Variants in BICD2 observed in about 807,000 individuals in gnomAD.
BICD2 encodes protein bicaudal D homolog 2.
Under a neutral mutation model 72.9 loss-of-function variants are expected in BICD2, and 25 were observed. That is an observed-to-expected ratio of 0.34 (90% CI 0.25 to 0.48). The LOEUF (loss-of-function observed/expected upper bound fraction) is 0.48. Among genes scored for constraint, BICD2 ranks in the 20% least tolerant of loss-of-function variants. BICD2 has a pLI of 0.99. For synonymous variants in BICD2, 501 were observed against 516.1 expected (o/e 0.97, Z 0.40); for missense variants, 894 against 1,175.2 (o/e 0.76, Z 3.50).
Position 92,719,565 on chromosome 9 carries a change from C to G in BICD2, c.1080G>C (p.Ala360=), listed in dbSNP as rs776734115. The G allele has an allele frequency of 6.2e-7, 1 of 1,604,876 alleles. No homozygotes were observed. The highest frequency in any genetic ancestry group is 8.5e-7 in the Non-Finnish European group (1 of 1,176,988). ...QQLMQMEREK[A]GLLATLQDTQ... ...TGTCCTGCAGCGTTGCCAGCAGGCC[C>G]GCCTTTTCCCGCTCCATCTGCAAAG... The change falls in exon 5 of 7, where the codon GCG becomes GCC. Residue 360 remains alanine (A), a synonymous_variant. Coordinates refer to ENST00000356884, the MANE Select transcript of BICD2 (RefSeq NM_001003800.2).
rs187412615 is a variant in BICD2, at chr9:92,731,260, G to T, written c.241-2024C>A. 1.4e-4 allele frequency among the ~76,000 whole-genome samples: 21 copies of T among 152,302 alleles called. No homozygotes were observed. In the East Asian group the frequency reaches 3.3e-3, roughly 24 times the overall value. ...AGCTGGGGATGCAGACATCACCTCA[G>T]AAGCTTCCTCCAGGTATGACAGCTA... is the stretch of plus-strand genomic sequence containing the variant. On this transcript the variant is annotated intron_variant, in intron 1 of 6. Coordinates refer to ENST00000356884, the MANE Select transcript of BICD2 (RefSeq NM_001003800.2).
At chr9:92,742,619 G>A (rs1463752500) in intron 1 of BICD2, among the ~76,000 whole-genome samples, 2 of 152,076 alleles carry the variant, frequency 1.3e-5, no homozygotes, top group East Asian at 1.9e-4. Context: ...TCCTGACCTC[G>A]TGATCCGCCC....
chr9:92,714,483 C>T lies in BICD2; in HGVS notation c.*671G>A, dbSNP rs924531348. The T allele has an allele frequency of 1.0e-5, 10 of 985,334 alleles. No individual in the cohort carries two copies. Among genetic ancestry groups the T allele is most frequent in the African/African-American group, 1.7e-5 (1 of 57,240 alleles). 61.0% of individuals were successfully genotyped at this position (985,334 alleles called of 1,614,324 possible). On this transcript the variant is annotated 3_prime_UTR_variant, in exon 7 of 7. Coordinates refer to ENST00000356884, the MANE Select transcript of BICD2 (RefSeq NM_001003800.2). ...CATCCTGATCTCAGAAATGAGAAAC[C>T]GAGCTCTGGATTCCTGGGTTATGGT...
chr9:92,720,909 C>G lies in BICD2; in HGVS notation c.607-154G>C, dbSNP rs1029001808. Among the ~76,000 whole-genome samples, 1 of 152,206 alleles carries G rather than the reference C, an allele frequency of 6.6e-6. No homozygotes were observed. Among genetic ancestry groups the G allele is most frequent in the Admixed American group, 6.5e-5 (1 of 15,284 alleles). Reference sequence around the variant, plus strand: ...GGTGCCATCCTGGGAAGGGTGGCAGCCCGTCCAGGCCAAGACTGCTTCCTC... The same window carrying G: ...GGTGCCATCCTGGGAAGGGTGGCAGGCCGTCCAGGCCAAGACTGCTTCCTC... On this transcript the variant is annotated intron_variant, in intron 3 of 6. Transcript: ENST00000356884. The surrounding 1 kb of genome is among the most constrained non-coding windows in gnomAD (Gnocchi z 5.4).
At position 92,711,442 on chromosome 9, in the gene BICD2, G is replaced by A. The variant is rs1269805212; in HGVS notation, c.*3712C>T. ...CAGGCCCACTGTTCCTATGCGCACT[G>A]GCTTTGTAGGCATTCACATCATATG... On this transcript the variant is annotated 3_prime_UTR_variant, in exon 7 of 7. Coordinates refer to ENST00000356884, the MANE Select transcript of BICD2 (RefSeq NM_001003800.2). 1 of 152,502 alleles carries A rather than the reference G, an allele frequency of 6.6e-6. No individual in the cohort carries two copies. The highest frequency in any genetic ancestry group is 1.5e-5 in the Non-Finnish European group (1 of 68,018). 9.4% of individuals were successfully genotyped at this position (152,502 alleles called of 1,614,324 possible). A position where few individuals can be genotyped will look rare whatever the true frequency, so the allele number is the denominator to read the frequency against.
In BICD2 at chr9:92,764,508, C is replaced by T. The variant is rs544784619; in HGVS notation, c.237G>A (p.Lys79=). 3.9e-6 allele frequency: 6 copies of T among 1,530,556 alleles called. No individual in the cohort carries two copies. The African/African-American group carries it at 5.6e-5, about 14-fold the overall frequency. 94.8% of individuals were successfully genotyped at this position (1,530,556 alleles called of 1,614,324 possible). The change falls in exon 1 of 7, where the codon AAG becomes AAA. Residue 79 remains lysine (K), a synonymous_variant. Coordinates refer to ENST00000356884, the MANE Select transcript of BICD2 (RefSeq NM_001003800.2). This position sits in a 1 kb window ranked among gnomAD's most constrained non-coding sequence, Gnocchi z 5.5. ...EAIRSEMEQL[K]EAFGQAHTNH... is the part of the protein sequence containing the mutation. ...AGGGCAGGGCGGCTCGGCTCACCTC[C>T]TTGAGCTGCTCCATCTCGCTGCGGA...
rs557482618 is a variant in BICD2, at chr9:92,733,309, G to A, written c.241-4073C>T. Among the ~76,000 whole-genome samples, 8 of 152,120 alleles carry A rather than the reference G, an allele frequency of 5.3e-5. 1 individual carries two copies. The highest frequency in any genetic ancestry group is 1.9e-4 in the East Asian group (1 of 5,174). ...TCCCAGCACTTTGGAAGGTCGAGGC[G>A]GGCAGATCACGAGGTCAGGAGTTCG... On this transcript the variant is annotated intron_variant, in intron 1 of 6. Transcript: ENST00000356884.
chr9:92,734,796 C>T (rs912547979), intron 1 of BICD2, among the ~76,000 whole-genome samples: 3 of 152,140 alleles, frequency 2.0e-5, no homozygotes, highest in Non-Finnish European at 2.9e-5. Flanking sequence ...ATCCCCTGCC[C>T]ACCCACAGGA....
chr9:92,736,261 G>A (rs1314784860), intron 1 of BICD2, among the ~76,000 whole-genome samples: 2 of 152,200 alleles, frequency 1.3e-5, no homozygotes, highest in Admixed American at 6.5e-5. Flanking sequence ...AGATGGCAAG[G>A]AGAGTGATCT....
At chr9:92,722,546 G>T in intron 3 of BICD2, 110 bp downstream of exon 3, 2 of 1,444,866 alleles carry the variant, frequency 1.4e-6, no homozygotes, top group Non-Finnish European at 9.4e-7. Context: ...GGCCTCGGGT[G>T]TGTGGAATAA....
intron 3 of BICD2, among the ~76,000 whole-genome samples, chr9:92,722,374 G>A (rs1423915953): frequency 6.6e-6 from 1 of 152,234 alleles, no homozygotes; most frequent in African/African-American, 2.4e-5. Context: ...GTTTTCTGGT[G>A]TAACCTCTTC....
At chr9:92,728,629 C>T (rs1015266995) in intron 2 of BICD2, among the ~76,000 whole-genome samples, 2 of 152,232 alleles carry the variant, frequency 1.3e-5, no homozygotes, top group African/African-American at 4.8e-5. Flanking sequence ...ACAGTGCAGG[C>T]CCTGAGTGAC....
chr9:92,743,794 C>T (rs560235968), intron 1 of BICD2, among the ~76,000 whole-genome samples: 105 of 152,214 alleles, frequency 6.9e-4, no homozygotes, highest in African/African-American at 2.4e-3. Flanking sequence ...ATCTCCTACA[C>T]GTACATGAGA....
Position 92,729,139 on chromosome 9 carries a change from T to C in BICD2, c.338A>G (p.Tyr113Cys), listed in dbSNP as rs368264103. 1 of 1,614,266 alleles carries C rather than the reference T, an allele frequency of 6.2e-7. No homozygotes were observed. The highest frequency in any genetic ancestry group is 8.5e-7 in the Non-Finnish European group (1 of 1,180,058). Residue 113 changes from tyrosine to cysteine, a missense_variant, in exon 2 of 7, where the codon TAC (tyrosine) becomes TGC (cysteine). Transcript: ENST00000356884. ...CAGCTCTAGCACCTTCCGCACGTAG[T>C]ACTGCTCCTTGGAGGCCGACTCCTG... is the stretch of plus-strand genomic sequence containing the variant. ...LIQESASKEQ[Y>C]YVRKVLELQT...
chr9:92,718,387 A>T, intron 5 of BICD2, 152 bp downstream of exon 5: 1 of 905,352 alleles, frequency 1.1e-6, no homozygotes, highest in Non-Finnish European at 1.6e-6. Flanking sequence ...TGAGCAGGGG[A>T]GGGTAGGCAG....
intron 1 of BICD2, among the ~76,000 whole-genome samples, chr9:92,759,558 G>C (rs750029075): frequency 9.9e-5 from 15 of 152,206 alleles, no homozygotes; most frequent in Non-Finnish European, 1.9e-4. Context: ...GCAGAGCCCA[G>C]CTTGGGACAG....
At chr9:92,738,392 G>A (rs1564067581) in intron 1 of BICD2, among the ~76,000 whole-genome samples, 1 of 152,172 alleles carries the variant, frequency 6.6e-6, no homozygotes, top group Non-Finnish European at 1.5e-5. Flanking sequence ...GTTCCAAAGT[G>A]GCCTCACTGT....
chr9:92,726,846 T>C (rs1587674241), intron 2 of BICD2, among the ~76,000 whole-genome samples: 1 of 152,196 alleles, frequency 6.6e-6, no homozygotes, highest in African/African-American at 2.4e-5. Flanking sequence ...TTTAACTTGC[T>C]GTGCTCATTT....
Position 92,729,041 on chromosome 9 carries a change from CCA to C in BICD2, c.434_435del (p.Val145GlyfsTer21), listed in dbSNP as rs763264734. The C allele has an allele frequency of 6.2e-7, 1 of 1,614,136 alleles. No individual in the cohort carries two copies. The highest frequency in any genetic ancestry group is 8.5e-7 in the Non-Finnish European group (1 of 1,180,004). On this transcript the variant is annotated frameshift_variant, in exon 2 of 7. Coordinates refer to ENST00000356884, the MANE Select transcript of BICD2 (RefSeq NM_001003800.2). LOFTEE classifies it high-confidence loss of function. ...CCCCTCACCTCCTTCAGCTCCTGGG[CCA>C]CAGAGGCCAGGCGCTCATTCTCCGA... The part of the protein sequence containing the change: ...TQSENERLAS[V>X]AQELKEINQN...
Sources: gnomAD v4.1 joint callset for allele counts (sites outside exome capture counted in the v4.1 genomes callset) on GRCh38, gnomAD v4.1.1 for gene constraint, Gnocchi (gnomAD v3.1) non-coding constraint, MANE v1.5 for transcripts, NCBI Gene and HGNC (gene_info 2026-07-23, HGNC 2026-07-21) for gene names.